Variants in CAMKK2 observed in about 807,000 individuals in gnomAD.
CAMKK2 encodes calcium/calmodulin-dependent protein kinase kinase 2.
A neutral mutation model predicts 67.2 loss-of-function variants in CAMKK2; 30 were observed. The ratio of observed to expected loss-of-function variants is 0.45; its 90% confidence interval spans 0.33 to 0.61. The LOEUF (loss-of-function observed/expected upper bound fraction) is 0.61, where lower values mean the gene tolerates loss of function less well. Ranked by LOEUF, CAMKK2 falls within the 20% of genes least tolerant of loss-of-function variation. CAMKK2 has a pLI of 0.02. For missense variants in CAMKK2, 643 were observed against 802.0 expected, an observed-to-expected ratio of 0.80 and a Z score of 2.39; for synonymous variants, 322 against 326.2, an observed-to-expected ratio of 0.99 and a Z score of 0.14.
Position 121,245,469 on chromosome 12 carries a change from G to A in CAMKK2, c.1453-229C>T, listed in dbSNP as rs546469602. Among the ~76,000 whole-genome samples, 102 of 152,294 alleles carry A rather than the reference G, an allele frequency of 6.7e-4. No homozygotes were observed. Among genetic ancestry groups the A allele is most frequent in the African/African-American group, 2.4e-3 (98 of 41,568 alleles). ...GCACCACACCCTCAGCCACTGCTCA[G>A]CGTCTCTCCCAGGCCTCCCTGCTTT... On this transcript the variant is annotated intron_variant, in intron 14 of 16. Transcript: ENST00000404169. This position sits in a 1 kb window ranked among gnomAD's most constrained non-coding sequence, Gnocchi z 5.8.
chr12:121,240,551 CA>C lies in CAMKK2; in HGVS notation c.*147del. On this transcript the variant is annotated 3_prime_UTR_variant, in exon 17 of 17. Transcript: ENST00000404169. The surrounding 1 kb of genome is among the most constrained non-coding windows in gnomAD (Gnocchi z 4.4). ...TTTTTTTTTTTTGTCCCCTTTAAAA[CA>C]ACAAAGGAAAAAACAAATAACCAGA... The C allele has an allele frequency of 6.6e-7, 1 of 1,510,852 alleles. No homozygotes were observed. The highest frequency in any genetic ancestry group is 1.2e-5 in the South Asian group (1 of 82,518). The allele number at this position is 1,510,852 out of a possible 1,614,324, so 93.6% of individuals were successfully genotyped here. A position where few individuals can be genotyped will look rare whatever the true frequency, so the allele number is the denominator to read the frequency against.
intron 9 of CAMKK2, among the ~76,000 whole-genome samples, chr12:121,255,278 TTATATATATAATTA>T (rs1891802492): frequency 3.1e-5 from 2 of 64,500 alleles, no homozygotes; most frequent in African/African-American, 6.6e-5. Context: ...ATATATATAA[TTATATATATAATTA>T]TATATATAAT....
chr12:121,269,492 A>G (rs755415440), intron 4 of CAMKK2, 36 bp downstream of exon 4: 1 of 1,530,694 alleles, frequency 6.5e-7, no homozygotes, highest in South Asian at 1.2e-5. Context: ...TTCTGTGGAT[A>G]AGGATGGGGG....
chr12:121,262,853 C>T (rs1052816727), intron 6 of CAMKK2, among the ~76,000 whole-genome samples: 2 of 152,144 alleles, frequency 1.3e-5, no homozygotes, highest in African/African-American at 4.8e-5. Flanking sequence ...AGCCATCGTG[C>T]CCAGCCTATT....
At chr12:121,268,805 C>T in intron 4 of CAMKK2, 116 bp from the exon 5 acceptor site, 3 of 921,710 alleles carry the variant, frequency 3.3e-6, no homozygotes, top group East Asian at 4.9e-5. Context: ...AAGCTCCTGG[C>T]CCCCTGGCAG....
chr12:121,242,699 AT>A (rs1246834140), intron 16 of CAMKK2, among the ~76,000 whole-genome samples: 1 of 152,208 alleles, frequency 6.6e-6, no homozygotes, highest in African/African-American at 2.4e-5. Flanking sequence ...AGATTACCAT[AT>A]AAGCCCTGAC....
chr12:121,244,142 A>G, intron 16 of CAMKK2: 2 of 1,610,016 alleles, frequency 1.2e-6, no homozygotes, highest in South Asian at 1.1e-5. Context: ...AAACACATCA[A>G]AGAAAGAGAA....
chr12:121,263,996 G>A (rs1894006130), intron 5 of CAMKK2, 57 bp from the exon 6 acceptor site: 1 of 1,461,860 alleles, frequency 6.8e-7, no homozygotes, highest in Middle Eastern at 1.9e-4. Context: ...CTCCGCAGAG[G>A]GCAGCTGCAG....
At chr12:121,286,690 C>T (rs112125249) in intron 1 of CAMKK2, among the ~76,000 whole-genome samples, 5,339 of 151,852 alleles carry the variant, frequency 0.035, 129 homozygotes, top group South Asian at 0.082. Flanking sequence ...ACTACAGGTG[C>T]GCACCACTAC....
At chr12:121,250,715 A>T (rs1202786492) in intron 11 of CAMKK2, among the ~76,000 whole-genome samples, 1 of 152,180 alleles carries the variant, frequency 6.6e-6, no homozygotes, top group Non-Finnish European at 1.5e-5. Flanking sequence ...AGCTCCAAGA[A>T]GGCAGGGATT....
At chr12:121,277,593 T>C (rs1346141554) in intron 1 of CAMKK2, among the ~76,000 whole-genome samples, 2 of 152,184 alleles carry the variant, frequency 1.3e-5, no homozygotes, top group Non-Finnish European at 2.9e-5. Context: ...AGACGAACCG[T>C]GAAGACATAC....
chr12:121,295,969 A>G (rs1417704108), intron 1 of CAMKK2, among the ~76,000 whole-genome samples: 1 of 152,066 alleles, frequency 6.6e-6, no homozygotes, highest in Non-Finnish European at 1.5e-5. Context: ...TGTCCCTGAG[A>G]GTCAGGCGGA....
chr12:121,260,406 A>G, intron 6 of CAMKK2, 51 bp from the exon 7 acceptor site: 2 of 1,555,832 alleles, frequency 1.3e-6, no homozygotes, highest in Non-Finnish European at 1.8e-6. Flanking sequence ...GGGGAGAAAA[A>G]GAGAGAATAG....
At chr12:121,254,366 G>A (rs1382239331) in intron 9 of CAMKK2, among the ~76,000 whole-genome samples, 1 of 152,122 alleles carries the variant, frequency 6.6e-6, no homozygotes, top group Non-Finnish European at 1.5e-5. Flanking sequence ...GCTGAGGCAT[G>A]AGAATTGCTT....
intron 11 of CAMKK2, among the ~76,000 whole-genome samples, chr12:121,252,263 ACTCTT>A (rs1890887267): frequency 6.6e-6 from 1 of 152,050 alleles, no homozygotes; most frequent in Non-Finnish European, 1.5e-5. Context: ...AAATAAAATA[ACTCTT>A]CTCTTATTTT....
rs1888095906 is a variant in CAMKK2 at position 121,240,261 on chromosome 12, C to T, written c.*438G>A. On this transcript the variant is annotated 3_prime_UTR_variant, in exon 17 of 17. Transcript: ENST00000404169. The surrounding 1 kb of genome is among the most constrained non-coding windows in gnomAD (Gnocchi z 4.4). ...TTTGCACTAGGAGCCACATCTAGCC[C>T]CCTACTCCCTCTCAAATGCAGCAAC... 1 of 643,152 alleles carries T rather than the reference C, an allele frequency of 1.6e-6. No individual in the cohort carries two copies. The highest frequency in any genetic ancestry group is 2.7e-6 in the Non-Finnish European group (1 of 376,168). 39.8% of individuals were successfully genotyped at this position (643,152 alleles called of 1,614,324 possible). A position where few individuals can be genotyped will look rare whatever the true frequency, so the allele number is the denominator to read the frequency against.
intron 13 of CAMKK2, among the ~76,000 whole-genome samples, chr12:121,249,449 G>A (rs1178453589): frequency 6.6e-6 from 1 of 152,178 alleles, no homozygotes; most frequent in African/African-American, 2.4e-5. Context: ...TTTCTCAAAG[G>A]GACGGGCCTT....
rs1471358655 is a variant in CAMKK2, at chr12:121,241,603, CTGT to C, written c.1597-737_1597-735del. On this transcript the variant is annotated intron_variant, in intron 16 of 16. Transcript: ENST00000404169. ...CCCTCACCACCATCACACAGCTCCC[CTGT>C]TCTTAGGGAGGTCACTGGGCATGCC... is the stretch of plus-strand genomic sequence containing the variant. Among the ~76,000 whole-genome samples, 3 of 152,374 alleles carry C rather than the reference CTGT, an allele frequency of 2.0e-5. No homozygotes were observed. In the East Asian group the frequency reaches 5.8e-4, roughly 29 times the overall value.
intron 1 of CAMKK2, among the ~76,000 whole-genome samples, chr12:121,280,850 T>G (rs1004401387): frequency 2.6e-5 from 4 of 152,236 alleles, no homozygotes; most frequent in Non-Finnish European, 5.9e-5. Flanking sequence ...ATGTTATCAA[T>G]GACAATGTTG....
Sources: allele counts gnomAD v4.1 joint callset (sites outside exome capture counted in the v4.1 genomes callset), GRCh38; gene constraint gnomAD v4.1.1; non-coding constraint Gnocchi (gnomAD v3.1); transcripts MANE v1.5; gene names NCBI Gene and HGNC (gene_info 2026-07-23, HGNC 2026-07-21).